Variants in CACNA1D observed in about 807,000 individuals in gnomAD.
The protein encoded by CACNA1D is voltage-dependent L-type calcium channel subunit alpha-1D.
A neutral mutation model predicts 257.1 loss-of-function variants in CACNA1D; 55 were observed. The observed-to-expected ratio is 0.21, with a 90% CI of 0.17 to 0.27. The LOEUF (loss-of-function observed/expected upper bound fraction) is 0.27. Among genes scored for constraint, CACNA1D ranks in the 10% least tolerant of loss-of-function variants. CACNA1D has a pLI of 1.00. For synonymous variants in CACNA1D, 980 were observed against 1,014.9 expected (o/e 0.97, Z 0.65); for missense variants, 1,876 against 2,784.0 (o/e 0.67, Z 7.34).
intron 4 of CACNA1D, among the ~76,000 whole-genome samples, chr3:53,651,121 G>A (rs1003494855): frequency 5.9e-5 from 9 of 152,138 alleles, no homozygotes; most frequent in East Asian, 1.9e-4. Context: ...AAATTCTCTC[G>A]TTGTTACTCC....
At chr3:53,600,159 A>G (rs981180226) in intron 3 of CACNA1D, among the ~76,000 whole-genome samples, 4 of 152,246 alleles carry the variant, frequency 2.6e-5, no homozygotes, top group African/African-American at 7.2e-5. Flanking sequence ...CTGGGCCCCA[A>G]CATAAGCCTC....
intron 3 of CACNA1D, among the ~76,000 whole-genome samples, chr3:53,535,043 C>G (rs562264064): frequency 1.0e-3 from 154 of 152,278 alleles, no homozygotes; most frequent in African/African-American, 3.6e-3. Flanking sequence ...CCGTAAACCC[C>G]AGTTTGTAGG....
chr3:53,589,154 C>T (rs970765608), intron 3 of CACNA1D, among the ~76,000 whole-genome samples: 2 of 152,120 alleles, frequency 1.3e-5, no homozygotes, highest in Non-Finnish European at 2.9e-5. Context: ...TCTTGTATTT[C>T]ATTATTAATG....
In CACNA1D at chr3:53,538,452, T is replaced by C. The variant is rs1328369026; in HGVS notation, c.483+36732T>C. On this transcript the variant is annotated intron_variant, in intron 3 of 47. Coordinates refer to ENST00000350061, the MANE Select transcript of CACNA1D (RefSeq NM_001128840.3). ...GATTACAGGCGTGAGCCACAGCGCC[T>C]GGCCTGTTTTTGAAGTTTTGACTTA... is the stretch of plus-strand genomic sequence containing the variant. Among the ~76,000 whole-genome samples the C allele has an allele frequency of 2.0e-5, 3 of 152,148 alleles. No homozygotes were observed. The East Asian group carries it at 5.8e-4, about 29-fold the overall frequency.
At chr3:53,696,468 G>A (rs1054241336) in intron 8 of CACNA1D, among the ~76,000 whole-genome samples, 1 of 152,216 alleles carries the variant, frequency 6.6e-6, no homozygotes, top group Non-Finnish European at 1.5e-5. Context: ...ACTCACCAGC[G>A]GGGATGGGGT....
At chr3:53,773,786 C>T (rs2095380609) in intron 33 of CACNA1D, 1 of 151,996 alleles carries the variant, frequency 6.6e-6, no homozygotes, top group African/African-American at 2.4e-5. Flanking sequence ...TTCAGCAGCA[C>T]GTGGTGCTAT....
chr3:53,798,635 C>A (rs1316543835), intron 40 of CACNA1D, among the ~76,000 whole-genome samples: 1 of 152,178 alleles, frequency 6.6e-6, no homozygotes, highest in Non-Finnish European at 1.5e-5. Context: ...CAAACCAAAC[C>A]CAACCTGGCA....
intron 29 of CACNA1D, among the ~76,000 whole-genome samples, chr3:53,759,188 A>G (rs137890463): frequency 8.4e-4 from 128 of 152,354 alleles, no homozygotes; most frequent in African/African-American, 2.9e-3. Flanking sequence ...AAATTGCCAA[A>G]AAATTCCAAG....
intron 3 of CACNA1D, among the ~76,000 whole-genome samples, chr3:53,621,379 G>A (rs1404592483): frequency 6.6e-6 from 1 of 152,272 alleles, no homozygotes; most frequent in East Asian, 1.9e-4. Context: ...AGCCAGCCCT[G>A]GCTGTTTTTC....
At chr3:53,547,794 G>A (rs1366262954) in intron 3 of CACNA1D, among the ~76,000 whole-genome samples, 1 of 152,190 alleles carries the variant, frequency 6.6e-6, no homozygotes, top group Non-Finnish European at 1.5e-5. Context: ...TGTTTGTGAT[G>A]TTTTAGTTCA....
intron 40 of CACNA1D, among the ~76,000 whole-genome samples, chr3:53,795,474 C>G (rs2095503571): frequency 6.6e-6 from 1 of 152,194 alleles, no homozygotes; most frequent in Admixed American, 6.5e-5. Context: ...GAAGAACAGG[C>G]TTAGGGGCCA....
chr3:53,718,408 G>C lies in CACNA1D; in HGVS notation c.1478+20G>C. The C allele has an allele frequency of 6.2e-7, 1 of 1,602,632 alleles. No individual in the cohort carries two copies. Among genetic ancestry groups the C allele is most frequent in the Non-Finnish European group, 8.6e-7 (1 of 1,169,498 alleles). ...TCTCTGGTGAGTGTGGGGAGCACTT[G>C]CCCTCTTTCCCCTCCTGTTGTCTCA... On this transcript the variant is annotated intron_variant, in intron 10 of 47. Coordinates refer to ENST00000350061, the MANE Select transcript of CACNA1D (RefSeq NM_001128840.3).
At position 53,751,415 on chromosome 3, in the gene CACNA1D, C is replaced by G. The variant is rs547513259; in HGVS notation, c.3517-334C>G. Reference sequence around the variant, plus strand: ...AGTGATAAGGCCTGGACCCAGTCCTCACTCCTGCTTGTGTATACACTGCAG... The same window carrying G: ...AGTGATAAGGCCTGGACCCAGTCCTGACTCCTGCTTGTGTATACACTGCAG... On this transcript the variant is annotated intron_variant, in intron 27 of 47. Coordinates refer to ENST00000350061, the MANE Select transcript of CACNA1D (RefSeq NM_001128840.3). The surrounding 1 kb of genome is among the most constrained non-coding windows in gnomAD (Gnocchi z 4.3). Among the ~76,000 whole-genome samples the G allele has an allele frequency of 2.2e-4, 33 of 152,362 alleles. 1 individual carries two copies. The East Asian group carries it at 6.2e-3, about 28-fold the overall frequency.
chr3:53,792,093 A>C (rs1013339558), intron 40 of CACNA1D: 1 of 152,246 alleles, frequency 6.6e-6, no homozygotes, highest in African/African-American at 2.4e-5. Context: ...CAGAACTTTA[A>C]GAAATTCTTG....
At chr3:53,767,430 G>A in intron 30 of CACNA1D, among the ~76,000 whole-genome samples, 1 of 152,092 alleles carries the variant, frequency 6.6e-6, no homozygotes, top group Non-Finnish European at 1.5e-5. Flanking sequence ...GGCAGGCATG[G>A]TGGCGGGCGC....
chr3:53,594,462 T>C (rs951112410), intron 3 of CACNA1D, among the ~76,000 whole-genome samples: 2 of 152,052 alleles, frequency 1.3e-5, no homozygotes, highest in African/African-American at 4.8e-5. Context: ...ACTAGAGATA[T>C]TTGGTGAAAA....
intron 3 of CACNA1D, among the ~76,000 whole-genome samples, chr3:53,621,812 A>G (rs1235942750): frequency 6.6e-6 from 1 of 152,242 alleles, no homozygotes; most frequent in Non-Finnish European, 1.5e-5. Flanking sequence ...AGAAAATTTA[A>G]CAGATATTTT....
At chr3:53,642,387 C>A (rs543151725) in intron 3 of CACNA1D, among the ~76,000 whole-genome samples, 1 of 152,344 alleles carries the variant, frequency 6.6e-6, no homozygotes, top group Non-Finnish European at 1.5e-5. Flanking sequence ...TGGGTTGGAG[C>A]TTATGCCTAT....
Position 53,665,015 on chromosome 3 carries a change from C to G in CACNA1D, c.767-645C>G, listed in dbSNP as rs117264371. Among the ~76,000 whole-genome samples the G allele has an allele frequency of 5.9e-4, 90 of 152,274 alleles. No individual in the cohort carries two copies. The East Asian group carries it at 0.015, about 25-fold the overall frequency. ...TCCCAGTAGATAACCTCAATGAGCACGGTGCCAGGGAGTGATTGCCCTCAG... is the reference window on the plus strand; with the variant it reads ...TCCCAGTAGATAACCTCAATGAGCAGGGTGCCAGGGAGTGATTGCCCTCAG... On this transcript the variant is annotated intron_variant, in intron 5 of 47. Coordinates refer to ENST00000350061, the MANE Select transcript of CACNA1D (RefSeq NM_001128840.3).
Sources: allele counts gnomAD v4.1 joint callset (sites outside exome capture counted in the v4.1 genomes callset), GRCh38; gene constraint gnomAD v4.1.1; non-coding constraint Gnocchi (gnomAD v3.1); transcripts MANE v1.5; gene names NCBI Gene and HGNC (gene_info 2026-07-23, HGNC 2026-07-21).